The following GPR39 variants were observed in gnomAD, a reference collection of about 807,000 sequenced individuals.
GPR39 encodes the protein zinc sensing receptor.
A neutral mutation model predicts 18.4 loss-of-function variants in GPR39; 23 were observed. That is an observed-to-expected ratio of 1.25 (90% CI 0.90 to 1.77). GPR39 has a LOEUF of 1.77. Among genes scored for constraint, GPR39 ranks in the 40% most tolerant of loss-of-function variants. GPR39 has a pLI of 0.00. For missense variants in GPR39, 647 were observed against 602.4 expected (o/e 1.07, Z -0.78); for synonymous variants, 280 against 257.9 (o/e 1.09, Z -0.82).
At chr2:132,599,773 T>C (rs1372319406) in intron 1 of GPR39, among the ~76,000 whole-genome samples, 1 of 152,154 alleles carries the variant, frequency 6.6e-6, no homozygotes, top group Non-Finnish European at 1.5e-5. Flanking sequence ...AAGACCATCA[T>C]GGCGTGTCAG....
intron 1 of GPR39, among the ~76,000 whole-genome samples, chr2:132,438,110 A>G (rs1191135568): frequency 6.6e-6 from 1 of 152,192 alleles, no homozygotes; most frequent in East Asian, 1.9e-4. Flanking sequence ...TTCCTGGAGG[A>G]GGCAGCATTT....
intron 1 of GPR39, among the ~76,000 whole-genome samples, chr2:132,612,326 A>G (rs1681251952): frequency 6.6e-6 from 1 of 150,890 alleles, no homozygotes; most frequent in Non-Finnish European, 1.5e-5. Flanking sequence ...TCAGTCTTGA[A>G]TAATTTGTTC....
In GPR39 at chr2:132,511,629, T is replaced by A. The variant is rs967684177; in HGVS notation, c.856+93731T>A. On this transcript the variant is annotated intron_variant, in intron 1 of 1. Coordinates refer to ENST00000329321, the MANE Select transcript of GPR39 (RefSeq NM_001508.3). ...TGTGGCTAATCAGAGAAGTGTCATA[T>A]TTGCTGCGGAAGGTGATTTTTTCTA... 8.5e-5 allele frequency among the ~76,000 whole-genome samples: 13 copies of A among 152,156 alleles called. No homozygotes were observed. In the East Asian group the frequency reaches 2.1e-3, roughly 25 times the overall value.
At chr2:132,591,539 C>T (rs1680844271) in intron 1 of GPR39, among the ~76,000 whole-genome samples, 2 of 152,178 alleles carry the variant, frequency 1.3e-5, no homozygotes, top group African/African-American at 4.8e-5. Flanking sequence ...TATTGTGGGA[C>T]TTCACCTTGT....
rs10707930 is a variant in GPR39 at position 132,583,382 on chromosome 2, CAA to C, written c.857-61706_857-61705del. ...CCCCCCAACAAATACACATATCCCTCAAAAAAAAAAAAAAGTGCCAAAGCTGG... is the reference window on the plus strand; with the variant it reads ...CCCCCCAACAAATACACATATCCCTCAAAAAAAAAAAAGTGCCAAAGCTGG... On this transcript the variant is annotated intron_variant, in intron 1 of 1. Transcript: ENST00000329321. Among the ~76,000 whole-genome samples, 89 of 143,352 alleles carry C rather than the reference CAA, an allele frequency of 6.2e-4. 1 individual carries two copies. In the East Asian group the frequency reaches 9.4e-3, roughly 15 times the overall value. 94.0% of individuals were successfully genotyped at this position (143,352 alleles called of 152,430 possible).
chr2:132,431,111 G>GACTC (rs1193105457), intron 1 of GPR39, among the ~76,000 whole-genome samples: 1 of 152,148 alleles, frequency 6.6e-6, no homozygotes, highest in Non-Finnish European at 1.5e-5. Flanking sequence ...CTTGTAAGCT[G>GACTC]ACTCACTCAC....
chr2:132,495,241 A>G (rs529001860), intron 1 of GPR39, among the ~76,000 whole-genome samples: 47 of 152,338 alleles, frequency 3.1e-4, no homozygotes, highest in South Asian at 1.7e-3. Context: ...AAGAGGGAAT[A>G]AGATCTAAAT....
At chr2:132,627,662 T>A (rs1180564803) in intron 1 of GPR39, among the ~76,000 whole-genome samples, 1 of 152,182 alleles carries the variant, frequency 6.6e-6, no homozygotes, top group East Asian at 1.9e-4. Context: ...CTCTTGATTC[T>A]AAAATCTCCC....
chr2:132,538,806 C>T (rs553640181), intron 1 of GPR39, among the ~76,000 whole-genome samples: 77 of 152,300 alleles, frequency 5.1e-4, no homozygotes, highest in African/African-American at 1.8e-3. Context: ...ACAGCTGCTT[C>T]GCTGTGCTGT....
intron 1 of GPR39, among the ~76,000 whole-genome samples, chr2:132,525,914 A>G (rs1410513724): frequency 1.3e-5 from 2 of 152,256 alleles, no homozygotes; most frequent in African/African-American, 4.8e-5. Context: ...TAAATGCTCC[A>G]TGAAAGTGGA....
intron 1 of GPR39, among the ~76,000 whole-genome samples, chr2:132,579,716 A>G (rs1299860953): frequency 1.3e-5 from 2 of 151,932 alleles, no homozygotes; most frequent in Non-Finnish European, 2.9e-5. Flanking sequence ...ATATTTTATT[A>G]TATATTTTTA....
intron 1 of GPR39, among the ~76,000 whole-genome samples, chr2:132,576,878 T>C (rs1221221053): frequency 6.6e-6 from 1 of 152,192 alleles, no homozygotes; most frequent in Non-Finnish European, 1.5e-5. Context: ...GGCTATCTTT[T>C]CTCCACTTAA....
In GPR39 at chr2:132,646,416, C is replaced by T. The variant is rs1421520899; in HGVS notation, c.*810C>T. On this transcript the variant is annotated 3_prime_UTR_variant, in exon 2 of 2. Transcript: ENST00000329321. ...GAGACTAGGTGAGGTCAGGGAAGTG[C>T]TTCGGATTGTCTCATTGATATTCAA... 5 of 458,862 alleles carry T rather than the reference C, an allele frequency of 1.1e-5. No individual in the cohort carries two copies. Among genetic ancestry groups the T allele is most frequent in the African/African-American group, 2.0e-5 (1 of 49,544 alleles). 28.4% of individuals were successfully genotyped at this position (458,862 alleles called of 1,614,324 possible). A position where few individuals can be genotyped will look rare whatever the true frequency, so the allele number is the denominator to read the frequency against.
At chr2:132,638,793 T>C (rs963936625) in intron 1 of GPR39, among the ~76,000 whole-genome samples, 2 of 152,244 alleles carry the variant, frequency 1.3e-5, no homozygotes, top group Non-Finnish European at 2.9e-5. Context: ...TAAATGTCAG[T>C]TGACAAGCAG....
chr2:132,505,776 C>A (rs1339396330), intron 1 of GPR39, among the ~76,000 whole-genome samples: 1 of 152,194 alleles, frequency 6.6e-6, no homozygotes, highest in African/African-American at 2.4e-5. Flanking sequence ...GTATATATGT[C>A]ACATTTTTAA....
intron 1 of GPR39, among the ~76,000 whole-genome samples, chr2:132,626,406 C>T (rs1249530552): frequency 9.2e-5 from 14 of 152,142 alleles, no homozygotes; most frequent in Admixed American, 7.2e-4. Context: ...TTCACATTGG[C>T]GAGATAATAA....
Position 132,416,937 on chromosome 2 carries a change from C to T in GPR39, c.-106C>T, listed in dbSNP as rs1234545761. The T allele has an allele frequency of 8.3e-5, 112 of 1,351,592 alleles. No individual in the cohort carries two copies. The highest frequency in any genetic ancestry group is 1.0e-4 in the Non-Finnish European group (99 of 985,130). 83.7% of individuals were successfully genotyped at this position (1,351,592 alleles called of 1,614,324 possible). A position where few individuals can be genotyped will look rare whatever the true frequency, so the allele number is the denominator to read the frequency against. On this transcript the variant is annotated 5_prime_UTR_variant, in exon 1 of 2. Transcript: ENST00000329321. ...GAGGAGAACTCGAGTGAGATAAAAT[C>T]GTGCGCCCACGCAGGTGAGTTTGCA... is the stretch of plus-strand genomic sequence containing the variant.
At chr2:132,636,280 C>T (rs1402258773) in intron 1 of GPR39, among the ~76,000 whole-genome samples, 1 of 152,210 alleles carries the variant, frequency 6.6e-6, no homozygotes, top group Admixed American at 6.5e-5. Flanking sequence ...GCTCTTAGCT[C>T]TGTGCTCCAC....
intron 1 of GPR39, among the ~76,000 whole-genome samples, chr2:132,583,687 T>C (rs1281441188): frequency 2.6e-5 from 4 of 151,766 alleles, no homozygotes; most frequent in Admixed American, 6.6e-5. Flanking sequence ...ACCTGACTGC[T>C]CTGTGACGTC....
Sources: gnomAD v4.1 joint callset for allele counts (sites outside exome capture counted in the v4.1 genomes callset) on GRCh38, gnomAD v4.1.1 for gene constraint, MANE v1.5 for transcripts, NCBI Gene and HGNC (gene_info 2026-07-23, HGNC 2026-07-21) for gene names.